The following MACROD2 variants were observed in gnomAD, a reference collection of about 807,000 sequenced individuals.
The protein encoded by MACROD2 is ADP-ribose glycohydrolase MACROD2.
In MACROD2, 36 loss-of-function variants were observed where a neutral mutation model predicts 70.4. That is an observed-to-expected ratio of 0.51 (90% CI 0.39 to 0.68). The LOEUF (loss-of-function observed/expected upper bound fraction) is 0.68. Among genes scored for constraint, MACROD2 ranks in the 30% least tolerant of loss-of-function variants. MACROD2 has a pLI of 0.00. For missense variants in MACROD2, 496 were observed against 538.4 expected (o/e 0.92, Z 0.78); for synonymous variants, 172 against 178.8 (o/e 0.96, Z 0.30).
chr20:15,871,141 A>C (rs1373381197), intron 9 of MACROD2, among the ~76,000 whole-genome samples: 22 of 143,254 alleles, frequency 1.5e-4, no homozygotes, highest in African/African-American at 5.7e-4. Flanking sequence ...ACACCATTGC[A>C]CTCCAGTCTG....
chr20:14,717,067 CACTAAAAATTCTGATTTTGTGTCG>C lies in MACROD2; in HGVS notation c.418+32132_418+32155del, dbSNP rs902258291. Among the ~76,000 whole-genome samples the C allele has an allele frequency of 5.3e-5, 8 of 152,082 alleles. No individual in the cohort carries two copies. The East Asian group carries it at 5.8e-4, about 11-fold the overall frequency. The stretch of plus-strand genomic sequence containing the variant: ...GGGGGTATTGAACCTTAGAACCAAT[CACTAAAAATTCTGATTTTGTGTCG>C]ACTAAAAATTCTGATTTTGTGTCAA... On this transcript the variant is annotated intron_variant, in intron 5 of 17. Coordinates refer to ENST00000684519, the MANE Select transcript of MACROD2 (RefSeq NM_001351661.2).
intron 3 of MACROD2, among the ~76,000 whole-genome samples, chr20:14,309,386 A>G (rs1234443372): frequency 3.3e-5 from 5 of 152,164 alleles, no homozygotes; most frequent in African/African-American, 1.2e-4. Flanking sequence ...GTAAAAAGAA[A>G]AAAGTGCACC....
chr20:14,302,519 A>G (rs936516362), intron 3 of MACROD2, among the ~76,000 whole-genome samples: 1 of 152,174 alleles, frequency 6.6e-6, no homozygotes, highest in Non-Finnish European at 1.5e-5. Flanking sequence ...GATATTGACA[A>G]AGCCTGAAAT....
At chr20:14,672,441 A>G (rs1464932556) in intron 4 of MACROD2, among the ~76,000 whole-genome samples, 5 of 152,210 alleles carry the variant, frequency 3.3e-5, no homozygotes, top group Admixed American at 2.6e-4. Flanking sequence ...AAAGCAAGTC[A>G]TGAGATTAGC....
intron 5 of MACROD2, among the ~76,000 whole-genome samples, chr20:15,039,394 G>GCCCCAAC (rs2075338124): frequency 6.6e-6 from 1 of 152,142 alleles, no homozygotes; most frequent in African/African-American, 2.4e-5. Context: ...AGGTTTTATG[G>GCCCCAAC]CTTTCTTTGG....
At chr20:15,344,704 A>G (rs776882583) in intron 6 of MACROD2, among the ~76,000 whole-genome samples, 10 of 152,170 alleles carry the variant, frequency 6.6e-5, no homozygotes, top group Non-Finnish European at 1.0e-4. Context: ...TGCAGCCACC[A>G]TGGCCCTGCC....
chr20:15,287,400 G>A (rs1448991223), intron 6 of MACROD2, among the ~76,000 whole-genome samples: 3 of 152,256 alleles, frequency 2.0e-5, no homozygotes, highest in East Asian at 3.9e-4. Flanking sequence ...TAAATCATTA[G>A]GAGTCATATT....
At chr20:15,394,186 G>T (rs2045830773) in intron 6 of MACROD2, among the ~76,000 whole-genome samples, 1 of 152,186 alleles carries the variant, frequency 6.6e-6, no homozygotes, top group Non-Finnish European at 1.5e-5. Flanking sequence ...ATATAGGATT[G>T]TGATATAGCA....
At chr20:16,006,579 C>A (rs553757843) in intron 15 of MACROD2, among the ~76,000 whole-genome samples, 1 of 152,208 alleles carries the variant, frequency 6.6e-6, no homozygotes, top group South Asian at 2.1e-4. Context: ...TGTTTTGAGA[C>A]CAAATTAAAC....
chr20:14,617,949 G>A (rs527313881), intron 4 of MACROD2, among the ~76,000 whole-genome samples: 1 of 152,246 alleles, frequency 6.6e-6, no homozygotes, highest in East Asian at 1.9e-4. Context: ...TGGAGCTGAA[G>A]GGAGTCACAA....
chr20:15,082,828 T>A (rs1353150661), intron 5 of MACROD2, among the ~76,000 whole-genome samples: 1 of 152,136 alleles, frequency 6.6e-6, no homozygotes, highest in Admixed American at 6.5e-5. Flanking sequence ...GTGGATTTTC[T>A]GCAATAGAAA....
chr20:15,998,568 T>C (rs991024106), intron 15 of MACROD2, among the ~76,000 whole-genome samples: 6 of 145,320 alleles, frequency 4.1e-5, no homozygotes, highest in African/African-American at 1.5e-4. Context: ...TTCTCTCTTT[T>C]TTTTTTTTTT....
chr20:16,013,946 G>C (rs929166392), intron 15 of MACROD2, among the ~76,000 whole-genome samples: 1 of 152,186 alleles, frequency 6.6e-6, no homozygotes, highest in African/African-American at 2.4e-5. Context: ...GAACTGTGAT[G>C]TCCCATCCTG....
chr20:15,135,980 C>A (rs6043109), intron 5 of MACROD2, among the ~76,000 whole-genome samples: 128,936 of 146,104 alleles, frequency 0.88, 57,145 homozygotes, highest in East Asian at 1. Context: ...AAGAGAATAA[C>A]ATACCTAGGA....
At position 14,629,740 on chromosome 20, in the gene MACROD2, A is replaced by G. The variant is rs532232808; in HGVS notation, c.302-55103A>G. On this transcript the variant is annotated intron_variant, in intron 4 of 17. Coordinates refer to ENST00000684519, the MANE Select transcript of MACROD2 (RefSeq NM_001351661.2). ...ACTGCACTACAAAGATGTGCTGTCA[A>G]TGAGCTTTGCAGACTGGTTCTTTTC... Among the ~76,000 whole-genome samples the G allele has an allele frequency of 7.9e-5, 12 of 152,310 alleles. No individual in the cohort carries two copies. The East Asian group carries it at 9.6e-4, about 12-fold the overall frequency.
chr20:14,742,758 A>G (rs1231340923), intron 5 of MACROD2, among the ~76,000 whole-genome samples: 1 of 146,994 alleles, frequency 6.8e-6, no homozygotes, highest in Non-Finnish European at 1.5e-5. Flanking sequence ...TATAAACTTT[A>G]TTTTATTTTA....
chr20:14,413,790 T>C (rs1008200985), intron 3 of MACROD2, among the ~76,000 whole-genome samples: 3 of 150,560 alleles, frequency 2.0e-5, no homozygotes, highest in Non-Finnish European at 4.5e-5. Flanking sequence ...CTTTTGCTGC[T>C]TTTTTTTTCC....
intron 5 of MACROD2, among the ~76,000 whole-genome samples, chr20:14,914,985 T>A (rs2074073753): frequency 6.6e-6 from 1 of 152,166 alleles, no homozygotes; most frequent in Non-Finnish European, 1.5e-5. Flanking sequence ...TTCGACTGAT[T>A]TTTTTAAAAA....
chr20:15,463,674 G>A (rs561153657), intron 7 of MACROD2, among the ~76,000 whole-genome samples: 9 of 152,170 alleles, frequency 5.9e-5, no homozygotes, highest in Non-Finnish European at 1.0e-4. Context: ...ATGTGAACCC[G>A]GGAGGCAGAG....
Sources: gnomAD v4.1 joint callset for allele counts (sites outside exome capture counted in the v4.1 genomes callset) on GRCh38, gnomAD v4.1.1 for gene constraint, MANE v1.5 for transcripts, NCBI Gene and HGNC (gene_info 2026-07-23, HGNC 2026-07-21) for gene names.